COL19A1: variants seen among roughly 807,000 people sequenced by gnomAD.
COL19A1 encodes the protein collagen type XIX alpha 1 chain, also known as collagen alpha-1(XIX) chain.
COL19A1 carries 159 observed loss-of-function variants against 190.2 expected under a neutral mutation model. The ratio of observed to expected loss-of-function variants is 0.84; its 90% CI spans 0.73 to 0.95. COL19A1 has a LOEUF of 0.95. Among genes scored for constraint, COL19A1 ranks in the 40% least tolerant of loss-of-function variants. The pLI, the probability that COL19A1 is intolerant of heterozygous loss-of-function variation, is 0.00. For missense variants in COL19A1, 1,418 were observed against 1,431.9 expected, an observed-to-expected ratio of 0.99 and a Z score of 0.16; for synonymous variants, 509 against 458.9, an observed-to-expected ratio of 1.11 and a Z score of -1.39.
intron 6 of COL19A1, among the ~76,000 whole-genome samples, chr6:69,931,974 A>C (rs1210671937): frequency 1.3e-5 from 2 of 152,084 alleles, no homozygotes. Flanking sequence ...TAAAGTACTT[A>C]TTGACCTCAA....
At chr6:70,203,986 A>G (rs1010149955) in intron 49 of COL19A1, among the ~76,000 whole-genome samples, 10 of 151,676 alleles carry the variant, frequency 6.6e-5, no homozygotes, top group African/African-American at 2.2e-4. Flanking sequence ...TCAGCCTCCC[A>G]AGTAGCTGGG....
At chr6:70,004,053 G>T (rs1445760176) in intron 11 of COL19A1, among the ~76,000 whole-genome samples, 1 of 152,150 alleles carries the variant, frequency 6.6e-6, no homozygotes, top group South Asian at 2.1e-4. Flanking sequence ...AGGAGCTCTT[G>T]CAAGGCAGAC....
At chr6:69,961,510 T>G (rs989168381) in intron 10 of COL19A1, among the ~76,000 whole-genome samples, 7 of 152,206 alleles carry the variant, frequency 4.6e-5, no homozygotes, top group African/African-American at 1.7e-4. Flanking sequence ...GCTGATGTAC[T>G]GGAGGCGTTT....
intron 5 of COL19A1, among the ~76,000 whole-genome samples, chr6:69,928,854 A>G (rs1170430207): frequency 6.6e-6 from 1 of 152,150 alleles, no homozygotes; most frequent in Non-Finnish European, 1.5e-5. Context: ...TTAAATCATC[A>G]CTGATCTTTT....
intron 1 of COL19A1, chr6:69,867,381 C>A: frequency 6.4e-6 from 1 of 155,822 alleles, no homozygotes; most frequent in South Asian, 1.8e-4. Context: ...CCGCAGTCCT[C>A]CCTGCAGCCA....
At position 70,127,578 on chromosome 6, in the gene COL19A1, T is replaced by A. The variant is rs578121577; in HGVS notation, c.1342-2604T>A. On this transcript the variant is annotated intron_variant, in intron 17 of 50. Transcript: ENST00000620364. ...TGTTTTCATGCTGCTGATAAAGACA[T>A]ACCCTAGACTGGGCAATTTACAAAA... 5.6e-4 allele frequency among the ~76,000 whole-genome samples: 85 copies of A among 152,294 alleles called. No individual in the cohort carries two copies. In the South Asian group the frequency reaches 7.9e-3, roughly 14 times the overall value.
At chr6:70,022,194 A>G (rs1296374167) in intron 11 of COL19A1, among the ~76,000 whole-genome samples, 2 of 152,214 alleles carry the variant, frequency 1.3e-5, no homozygotes, top group East Asian at 1.9e-4. Flanking sequence ...CAGAAAATAT[A>G]AAGAAGAGAA....
intron 4 of COL19A1, among the ~76,000 whole-genome samples, chr6:69,903,898 A>C (rs571219409): frequency 6.6e-6 from 1 of 152,290 alleles, no homozygotes; most frequent in South Asian, 2.1e-4. Flanking sequence ...CTAAATCTGC[A>C]AGAGAATCAG....
chr6:70,098,050 T>C (rs762102350), intron 15 of COL19A1, among the ~76,000 whole-genome samples: 4 of 152,128 alleles, frequency 2.6e-5, no homozygotes, highest in African/African-American at 9.7e-5. Context: ...AAAGCAAACA[T>C]GCAAACATTC....
At chr6:70,069,153 T>G (rs1781412861) in intron 15 of COL19A1, among the ~76,000 whole-genome samples, 1 of 152,124 alleles carries the variant, frequency 6.6e-6, no homozygotes, top group Non-Finnish European at 1.5e-5. Flanking sequence ...TGTGCTTATT[T>G]ATGGCAGTCT....
chr6:70,194,339 T>C (rs1767065246), intron 48 of COL19A1, among the ~76,000 whole-genome samples: 2 of 152,150 alleles, frequency 1.3e-5, no homozygotes, highest in South Asian at 2.1e-4. Context: ...CACCTGGTGA[T>C]ACAATACCCT....
chr6:70,127,839 G>A (rs998693994), intron 17 of COL19A1, among the ~76,000 whole-genome samples: 1 of 152,076 alleles, frequency 6.6e-6, no homozygotes, highest in Admixed American at 6.5e-5. Context: ...ACAACATGTG[G>A]GAATTGTGGG....
intron 17 of COL19A1, among the ~76,000 whole-genome samples, chr6:70,123,742 G>A (rs1205760268): frequency 6.7e-6 from 1 of 148,308 alleles, no homozygotes; most frequent in Admixed American, 6.8e-5. Context: ...CTCACTCATA[G>A]GTGGGAATTG....
intron 4 of COL19A1, among the ~76,000 whole-genome samples, chr6:69,921,247 G>A (rs1355318994): frequency 7.9e-6 from 1 of 125,884 alleles, no homozygotes; most frequent in African/African-American, 3.1e-5. Flanking sequence ...ATCCATATAT[G>A]TCATATATCA....
chr6:70,164,163 T>C (rs1787987479), intron 36 of COL19A1, among the ~76,000 whole-genome samples: 1 of 152,162 alleles, frequency 6.6e-6, no homozygotes, highest in Non-Finnish European at 1.5e-5. Flanking sequence ...GATAGCTTGT[T>C]TCCTGGGGAG....
chr6:69,900,505 G>A (rs1374051664), intron 4 of COL19A1, among the ~76,000 whole-genome samples, 167 bp downstream of exon 4: 1 of 152,092 alleles, frequency 6.6e-6, no homozygotes, highest in Admixed American at 6.6e-5. Context: ...AAAAATCATT[G>A]CAATCTAATC....
chr6:69,936,642 T>C (rs112786881), intron 7 of COL19A1, 143 bp from the exon 8 acceptor site: 5 of 1,006,822 alleles, frequency 5.0e-6, no homozygotes, highest in African/African-American at 4.8e-5. Flanking sequence ...ATAAACATTC[T>C]CACACTGGTG....
chr6:70,116,286 A>G (rs553508011), intron 16 of COL19A1, among the ~76,000 whole-genome samples: 1 of 152,314 alleles, frequency 6.6e-6, no homozygotes, highest in East Asian at 1.9e-4. Flanking sequence ...TTCTAACTAA[A>G]ACCAAAACCA....
intron 27 of COL19A1, among the ~76,000 whole-genome samples, chr6:70,147,289 G>T (rs73746875): frequency 0.013 from 1,912 of 152,208 alleles, 36 homozygotes; most frequent in African/African-American, 0.042. Flanking sequence ...ATGCATAAGT[G>T]AAATGACACC....
Sources: gnomAD v4.1 joint callset for allele counts (sites outside exome capture counted in the v4.1 genomes callset) on GRCh38, gnomAD v4.1.1 for gene constraint, MANE v1.5 for transcripts, NCBI Gene and HGNC (gene_info 2026-07-23, HGNC 2026-07-21) for gene names.